SGCZ: variants seen among roughly 807,000 people sequenced by gnomAD.
SGCZ encodes the protein sarcoglycan zeta, also known as zeta-sarcoglycan.
A neutral mutation model predicts 41.3 loss-of-function variants in SGCZ; 40 were observed. The ratio of observed to expected loss-of-function variants is 0.97; its 90% confidence interval spans 0.75 to 1.26. The LOEUF (loss-of-function observed/expected upper bound fraction) is 1.26. Ranked by LOEUF, SGCZ falls within the 50% of genes most tolerant of loss-of-function variation. The pLI, the probability that SGCZ is intolerant of heterozygous loss-of-function variation, is 0.00. For missense variants in SGCZ, 552 were observed against 369.8 expected (o/e 1.49, Z -4.04); for synonymous variants, 206 against 137.5 (o/e 1.50, Z -3.49).
chr8:14,878,433 T>C (rs1463474474), intron 1 of SGCZ, among the ~76,000 whole-genome samples: 1 of 152,120 alleles, frequency 6.6e-6, no homozygotes, highest in African/African-American at 2.4e-5. Context: ...AAAGCACATA[T>C]GTTTCCCTGA....
chr8:15,125,958 C>T (rs1585589730), intron 1 of SGCZ, among the ~76,000 whole-genome samples: 1 of 152,224 alleles, frequency 6.6e-6, no homozygotes, highest in African/African-American at 2.4e-5. Context: ...CCAGCCTGAC[C>T]AATATGGTGA....
At chr8:14,356,004 T>C (rs1803282002) in intron 2 of SGCZ, among the ~76,000 whole-genome samples, 1 of 152,210 alleles carries the variant, frequency 6.6e-6, no homozygotes, top group Admixed American at 6.5e-5. Flanking sequence ...TTTTGCATTA[T>C]TTTCTTTTCC....
At chr8:14,178,076 G>C (rs1487203119) in intron 4 of SGCZ, among the ~76,000 whole-genome samples, 2 of 148,688 alleles carry the variant, frequency 1.3e-5, no homozygotes, top group African/African-American at 5.0e-5. Context: ...TCGTGCCTCA[G>C]CCTCCCTAGT....
intron 1 of SGCZ, among the ~76,000 whole-genome samples, chr8:15,164,965 G>C (rs11782714): frequency 0.35 from 52,456 of 151,868 alleles, 10,471 homozygotes; most frequent in Non-Finnish European, 0.44. Context: ...GTTTTCTTCT[G>C]CCTGTGTGTG....
intron 1 of SGCZ, among the ~76,000 whole-genome samples, chr8:15,057,047 G>T (rs763767137): frequency 3.9e-5 from 6 of 152,202 alleles, no homozygotes; most frequent in Non-Finnish European, 7.3e-5. Context: ...TGATGGATGT[G>T]TGGGCCGCAG....
intron 2 of SGCZ, among the ~76,000 whole-genome samples, chr8:14,399,878 G>C (rs964332513): frequency 5.9e-5 from 9 of 152,024 alleles, no homozygotes; most frequent in African/African-American, 2.2e-4. Context: ...CTTCTTTAAA[G>C]TGTAATTTAA....
chr8:14,666,250 G>A (rs1483923627), intron 1 of SGCZ, among the ~76,000 whole-genome samples: 1 of 152,186 alleles, frequency 6.6e-6, no homozygotes, highest in Admixed American at 6.5e-5. Context: ...AATGCTGGCA[G>A]TGTGTACAGT....
At chr8:15,055,539 G>C (rs138822721) in intron 1 of SGCZ, among the ~76,000 whole-genome samples, 186 of 152,270 alleles carry the variant, frequency 1.2e-3, no homozygotes, top group African/African-American at 4.3e-3. Context: ...AGCATTACTG[G>C]TTTACATGGA....
At chr8:14,354,671 A>T (rs1045308788) in intron 2 of SGCZ, among the ~76,000 whole-genome samples, 4 of 151,668 alleles carry the variant, frequency 2.6e-5, no homozygotes, top group African/African-American at 9.7e-5. Context: ...GTTGTTAAAT[A>T]CACACACACA....
At chr8:14,532,550 T>G (rs181220916) in intron 2 of SGCZ, among the ~76,000 whole-genome samples, 5 of 151,878 alleles carry the variant, frequency 3.3e-5, no homozygotes, top group African/African-American at 9.7e-5. Flanking sequence ...ACTGTTCTTA[T>G]GCTTTGTGGG....
intron 5 of SGCZ, among the ~76,000 whole-genome samples, chr8:14,136,363 A>C (rs899119042): frequency 6.6e-6 from 1 of 152,168 alleles, no homozygotes; most frequent in African/African-American, 2.4e-5. Context: ...CTTACACAGG[A>C]AGCTCAAGGG....
chr8:14,369,561 ATTCAT>A, intron 2 of SGCZ, among the ~76,000 whole-genome samples: 1 of 151,984 alleles, frequency 6.6e-6, no homozygotes, highest in Non-Finnish European at 1.5e-5. Flanking sequence ...ATATTATTTT[ATTCAT>A]TGTAATTTAT....
intron 1 of SGCZ, among the ~76,000 whole-genome samples, chr8:14,707,785 A>G (rs1809380220): frequency 6.6e-6 from 1 of 152,158 alleles, no homozygotes; most frequent in East Asian, 1.9e-4. Flanking sequence ...TCTCATTCCT[A>G]TTGTCATTTT....
intron 3 of SGCZ, among the ~76,000 whole-genome samples, chr8:14,242,773 C>G (rs1798938389): frequency 6.6e-6 from 1 of 152,024 alleles, no homozygotes; most frequent in Non-Finnish European, 1.5e-5. Context: ...TGTTGGAACT[C>G]CATAATTTTG....
At chr8:15,181,231 A>G (rs1181329684) in intron 1 of SGCZ, among the ~76,000 whole-genome samples, 2 of 152,212 alleles carry the variant, frequency 1.3e-5, no homozygotes, top group Admixed American at 1.3e-4. Flanking sequence ...ATTAACTTGA[A>G]AATAGTTTTT....
At chr8:14,318,424 C>A (rs1173155211) in intron 3 of SGCZ, among the ~76,000 whole-genome samples, 1 of 151,332 alleles carries the variant, frequency 6.6e-6, no homozygotes, top group Non-Finnish European at 1.5e-5. Flanking sequence ...AAGCAGAAGT[C>A]AAAAAAAAGA....
At chr8:14,470,445 A>G (rs779706024) in intron 2 of SGCZ, among the ~76,000 whole-genome samples, 1 of 152,164 alleles carries the variant, frequency 6.6e-6, no homozygotes, top group African/African-American at 2.4e-5. Flanking sequence ...TTAGGAAGGA[A>G]CAAATTCTTA....
intron 2 of SGCZ, among the ~76,000 whole-genome samples, chr8:14,373,975 C>A (rs533311090): frequency 7.9e-4 from 120 of 151,576 alleles, no homozygotes; most frequent in Non-Finnish European, 1.0e-3. Flanking sequence ...TGCCCCGGAA[C>A]TTAAAATAAA....
intron 2 of SGCZ, among the ~76,000 whole-genome samples, chr8:14,385,208 G>C (rs951699394): frequency 1.3e-4 from 20 of 152,252 alleles, no homozygotes; most frequent in African/African-American, 4.1e-4. Context: ...AGTTGAGAGA[G>C]ATGCGCACAG....
Sources: gnomAD v4.1 joint callset for allele counts (sites outside exome capture counted in the v4.1 genomes callset) on GRCh38, gnomAD v4.1.1 for gene constraint, MANE v1.5 for transcripts, NCBI Gene and HGNC (gene_info 2026-07-23, HGNC 2026-07-21) for gene names.